Variants in ARMC10 observed in about 807,000 individuals in gnomAD.
The protein encoded by ARMC10 is armadillo repeat-containing protein 10.
Under a neutral mutation model 30.2 loss-of-function variants are expected in ARMC10, and 23 were observed. The observed-to-expected ratio is 0.76, with a 90% confidence interval of 0.55 to 1.08. The LOEUF (loss-of-function observed/expected upper bound fraction) is 1.08. Among genes scored for constraint, ARMC10 ranks in the 50% least tolerant of loss-of-function variants. ARMC10 has a pLI of 0.00. For synonymous variants in ARMC10, 111 were observed against 164.4 expected, an observed-to-expected ratio of 0.68 and a Z score of 2.48; for missense variants, 303 against 413.7, an observed-to-expected ratio of 0.73 and a Z score of 2.32.
chr7:103,082,080 T>A (rs1020256969), intron 2 of ARMC10, among the ~76,000 whole-genome samples: 6 of 151,924 alleles, frequency 3.9e-5, no homozygotes, highest in African/African-American at 1.4e-4. Flanking sequence ...TGTGTTTTTA[T>A]CATTCTTTCC....
chr7:103,088,171 T>C (rs1053398241), intron 4 of ARMC10, among the ~76,000 whole-genome samples: 1 of 152,218 alleles, frequency 6.6e-6, no homozygotes, highest in Admixed American at 6.5e-5. Context: ...CTGGAAATTA[T>C]GTGTTCTTGC....
chr7:103,077,180 C>T (rs1230924725), intron 2 of ARMC10, among the ~76,000 whole-genome samples: 1 of 152,164 alleles, frequency 6.6e-6, no homozygotes, highest in African/African-American at 2.4e-5. Context: ...ATTGAGCCTC[C>T]TCACCTGGCC....
rs189284891 is a variant in ARMC10 at position 103,079,700 on chromosome 7, T to C, written c.244+3819T>C. Among the ~76,000 whole-genome samples the C allele has an allele frequency of 5.3e-5, 8 of 152,332 alleles. No homozygotes were observed. The East Asian group carries it at 1.5e-3, about 29-fold the overall frequency. ...AAAATATCTTGAGTACAAGTAAATATACCCAAATCAATAACTTCTTGTATA... is the reference window on the plus strand; with the variant it reads ...AAAATATCTTGAGTACAAGTAAATACACCCAAATCAATAACTTCTTGTATA... On this transcript the variant is annotated intron_variant, in intron 2 of 6. Coordinates refer to ENST00000323716, the MANE Select transcript of ARMC10 (RefSeq NM_031905.5).
intron 2 of ARMC10, among the ~76,000 whole-genome samples, chr7:103,079,341 GA>G (rs980688510): frequency 5.3e-5 from 8 of 151,662 alleles, no homozygotes; most frequent in African/African-American, 1.9e-4. Flanking sequence ...GAAAAAAAAA[GA>G]AAAAAAATTT....
At chr7:103,092,442 A>T in intron 4 of ARMC10, 35 bp from the exon 5 acceptor site, 1 of 1,496,168 alleles carries the variant, frequency 6.7e-7, no homozygotes, top group Non-Finnish European at 9.1e-7. Context: ...AATTTTGGAG[A>T]TTCTAAGATG....
rs754872562 is a variant in ARMC10 at position 103,083,796 on chromosome 7, C to A, written c.359C>A (p.Thr120Asn). 18 of 1,613,976 alleles carry A rather than the reference C, an allele frequency of 1.1e-5. No individual in the cohort carries two copies. Among genetic ancestry groups the A allele is most frequent in the Non-Finnish European group, 1.5e-5 (18 of 1,180,012 alleles). ...DPVIIERALI[T>N]LGNNAAFSVN... Reference sequence around the variant, plus strand: ...GTAATTATTGAAAGAGCTTTGATTACTTTGGGTAACAATGCAGCCTTTTCA... The same window carrying A: ...GTAATTATTGAAAGAGCTTTGATTAATTTGGGTAACAATGCAGCCTTTTCA... Residue 120 changes from threonine (T) to asparagine (N), a missense_variant, in exon 3 of 7, where the codon ACT (threonine) becomes AAT (asparagine). This residue lies in a region of ARMC10 where 170 missense variants were observed against 207.2 expected (regional missense o/e 0.82). Transcript: ENST00000323716.
chr7:103,084,188 TTATGAA>T, intron 3 of ARMC10: 1 of 454,482 alleles, frequency 2.2e-6, no homozygotes, highest in South Asian at 2.2e-5. Flanking sequence ...TATATCGGTC[TTATGAA>T]TATGATTCTG....
At chr7:103,086,438 A>G (rs552870617) in intron 3 of ARMC10, among the ~76,000 whole-genome samples, 192 bp from the exon 4 acceptor site, 51 of 152,246 alleles carry the variant, frequency 3.3e-4, no homozygotes, top group Non-Finnish European at 2.9e-4. Flanking sequence ...CTTATTTTCA[A>G]TGGATTTTCT....
chr7:103,075,998 A>G (rs1799757606), intron 2 of ARMC10, 117 bp downstream of exon 2: 7 of 616,942 alleles, frequency 1.1e-5, no homozygotes, highest in Non-Finnish European at 1.8e-5. Context: ...CTCCAAAGGC[A>G]TGTTTCACAT....
At chr7:103,078,778 G>A (rs1800123023) in intron 2 of ARMC10, among the ~76,000 whole-genome samples, 1 of 152,092 alleles carries the variant, frequency 6.6e-6, no homozygotes, top group Non-Finnish European at 1.5e-5. Flanking sequence ...GGGAGGCTGA[G>A]GTGGAAGAAT....
At chr7:103,096,674 G>A (rs1416574201) in intron 5 of ARMC10, 1 of 153,000 alleles carries the variant, frequency 6.5e-6, no homozygotes, top group Non-Finnish European at 1.5e-5. Context: ...CTACATCCTT[G>A]AACTTGAACA....
At chr7:103,080,884 C>A (rs138229695) in intron 2 of ARMC10, among the ~76,000 whole-genome samples, 153 of 152,176 alleles carry the variant, frequency 1.0e-3, no homozygotes, top group Non-Finnish European at 1.6e-3. Flanking sequence ...TCTCAGCCTC[C>A]CAGAGTGCTG....
At chr7:103,097,393 A>T (rs1471224273) in intron 6 of ARMC10, 45 bp downstream of exon 6, 2 of 1,323,008 alleles carry the variant, frequency 1.5e-6, no homozygotes, top group Non-Finnish European at 2.2e-6. Flanking sequence ...ACATATATAC[A>T]TTTGAACAGA....
At chr7:103,096,949 T>G in intron 5 of ARMC10, 1 of 316,486 alleles carries the variant, frequency 3.2e-6, no homozygotes, top group Admixed American at 4.3e-5. Context: ...ATAGAAAACC[T>G]GTATCTCTGT....
rs1191184805 is a variant in ARMC10, at chr7:103,092,521, GA to G, written c.575del (p.Asn192ThrfsTer9). 6.2e-7 allele frequency: 1 copy of G among 1,605,960 alleles called. No homozygotes were observed. ...VCEDVFSGPL[N>X]SAVQLAGLTL... ...GTGAGGATGTCTTCTCTGGTCCTCT[GA>G]ACTCTGCTGTGCAGCTGGCTGGACT... On this transcript the variant is annotated frameshift_variant, in exon 5 of 7. Transcript: ENST00000323716. LOFTEE classifies it high-confidence loss of function.
At chr7:103,096,505 A>C (rs1406984502) in intron 5 of ARMC10, 1 of 152,234 alleles carries the variant, frequency 6.6e-6, no homozygotes, top group Non-Finnish European at 1.5e-5. Context: ...TTACTGTTTA[A>C]GTAGAAATGA....
rs747610756 is a variant in ARMC10 at position 103,083,706 on chromosome 7, A to T, written c.269A>T (p.Asp90Val). ...QPEDLTDGSY[D>V]DVLNAEQLQK... ...GAAGACTTAACTGATGGTTCATATG[A>T]TGATGTTCTAAATGCTGAACAACTT... is the stretch of plus-strand genomic sequence containing the variant. Residue 90 changes from aspartate to valine, a missense_variant, in exon 3 of 7, where the codon GAT (aspartate) becomes GTT (valine). Coordinates refer to ENST00000323716, the MANE Select transcript of ARMC10 (RefSeq NM_031905.5). 1.2e-6 allele frequency: 2 copies of T among 1,613,126 alleles called. No homozygotes were observed. The highest frequency in any genetic ancestry group is 2.2e-5 in the South Asian group (2 of 91,060).
chr7:103,092,386 C>A, intron 4 of ARMC10, 91 bp from the exon 5 acceptor site: 2 of 730,938 alleles, frequency 2.7e-6, no homozygotes, highest in South Asian at 3.4e-5. Flanking sequence ...CCATCCTGAG[C>A]AGTAGCCCTA....
rs528956698 is a variant in ARMC10, at chr7:103,092,441, GATTC to G, written c.529-35_529-32del. On this transcript the variant is annotated intron_variant, in intron 4 of 6. Transcript: ENST00000323716. ...GGCTGTTCAGTAGAAAAATTTTGGA[GATTC>G]TAAGATGCTCATTTTCCTCCCCTGC... 30 of 1,494,578 alleles carry G rather than the reference GATTC, an allele frequency of 2.0e-5. No individual in the cohort carries two copies. In the East Asian group the frequency reaches 6.8e-4, roughly 34 times the overall value. The allele number at this position is 1,494,578 out of a possible 1,614,324, so 92.6% of individuals were successfully genotyped here.
Sources: gnomAD v4.1 joint callset for allele counts (sites outside exome capture counted in the v4.1 genomes callset) on GRCh38, gnomAD v4.1.1 for gene constraint, gnomAD v4.1.1 regional missense constraint, MANE v1.5 for transcripts, NCBI Gene and HGNC (gene_info 2026-07-23, HGNC 2026-07-21) for gene names.